GRAMD1B: variants seen among roughly 807,000 people sequenced by gnomAD.
GRAMD1B encodes protein Aster-B.
A neutral mutation model predicts 99.7 loss-of-function variants in GRAMD1B; 37 were observed. That is an observed-to-expected ratio of 0.37 (90% CI 0.29 to 0.49). The LOEUF (loss-of-function observed/expected upper bound fraction) is 0.49. Among genes scored for constraint, GRAMD1B ranks in the 20% least tolerant of loss-of-function variants. The pLI, the probability that GRAMD1B is intolerant of heterozygous loss-of-function variation, is 0.98. For synonymous variants in GRAMD1B, 427 were observed against 387.6 expected, an observed-to-expected ratio of 1.10 and a Z score of -1.19; for missense variants, 888 against 1,009.2, an observed-to-expected ratio of 0.88 and a Z score of 1.63.
intron 2 of GRAMD1B, among the ~76,000 whole-genome samples, chr11:123,514,608 G>A (rs1385437787): frequency 6.6e-6 from 1 of 152,212 alleles, no homozygotes; most frequent in East Asian, 1.9e-4. Flanking sequence ...CAGGACTGGT[G>A]CTTAGGATGC....
At chr11:123,573,205 G>C (rs1948353160) in intron 2 of GRAMD1B, among the ~76,000 whole-genome samples, 1 of 152,246 alleles carries the variant, frequency 6.6e-6, no homozygotes, top group Non-Finnish European at 1.5e-5. Flanking sequence ...AGGCAGAGGT[G>C]CACTGGAAAT....
intron 6 of GRAMD1B, among the ~76,000 whole-genome samples, chr11:123,595,255 A>G (rs757781619): frequency 1.3e-5 from 2 of 151,036 alleles, no homozygotes; most frequent in Admixed American, 6.6e-5. Context: ...CTCATCTCGT[A>G]TACTAAGGAA....
chr11:123,465,206 T>C (rs1048131282), intron 1 of GRAMD1B, among the ~76,000 whole-genome samples: 1 of 151,992 alleles, frequency 6.6e-6, no homozygotes, highest in Non-Finnish European at 1.5e-5. Context: ...TTTCAGAGGT[T>C]GGTAGGGGAA....
intron 2 of GRAMD1B, among the ~76,000 whole-genome samples, chr11:123,519,681 G>A (rs1313960597): frequency 6.6e-6 from 1 of 152,220 alleles, no homozygotes; most frequent in Non-Finnish European, 1.5e-5. Context: ...TGCTCCTGGA[G>A]CAAAGAGGGG....
chr11:123,507,800 C>T (rs886512089), intron 2 of GRAMD1B, among the ~76,000 whole-genome samples: 1 of 151,910 alleles, frequency 6.6e-6, no homozygotes, highest in Non-Finnish European at 1.5e-5. Flanking sequence ...GGGAAGTGTC[C>T]AATTGAGGTT....
chr11:123,458,210 G>A (rs138636202), intron 1 of GRAMD1B, among the ~76,000 whole-genome samples: 57 of 152,326 alleles, frequency 3.7e-4, no homozygotes, highest in East Asian at 5.8e-4. Context: ...TGCTGGTAGC[G>A]TGGCTCAGTC....
intron 2 of GRAMD1B, among the ~76,000 whole-genome samples, chr11:123,532,087 T>C (rs1314123833): frequency 6.6e-6 from 1 of 152,182 alleles, no homozygotes; most frequent in African/African-American, 2.4e-5. Flanking sequence ...CAGAAAGATG[T>C]TGAACTAAAC....
At chr11:123,473,834 T>G (rs1162823177) in intron 1 of GRAMD1B, among the ~76,000 whole-genome samples, 1 of 152,200 alleles carries the variant, frequency 6.6e-6, no homozygotes, top group African/African-American at 2.4e-5. Context: ...GTCACATTTG[T>G]TTACTTATTT....
At chr11:123,461,437 C>G (rs1950408037) in intron 1 of GRAMD1B, among the ~76,000 whole-genome samples, 2 of 152,206 alleles carry the variant, frequency 1.3e-5, no homozygotes, top group Non-Finnish European at 2.9e-5. Context: ...CCCAAAGACT[C>G]CCCCTTGGGC....
chr11:123,480,664 CTG>C (rs1181065863), intron 1 of GRAMD1B, 150 bp from the exon 2 acceptor site: 2 of 391,042 alleles, frequency 5.1e-6, no homozygotes, highest in African/African-American at 2.1e-5. Flanking sequence ...TATGGTCTAA[CTG>C]TGCATTCTCT....
At chr11:123,360,206 A>T (rs947316021) in intron 1 of GRAMD1B, among the ~76,000 whole-genome samples, 20 of 152,336 alleles carry the variant, frequency 1.3e-4, no homozygotes, top group African/African-American at 4.6e-4. Context: ...GAGGTTAGAT[A>T]GGAAAGTGTA....
In GRAMD1B at chr11:123,436,033, C is replaced by T. The variant is rs192467017; in HGVS notation, c.374+4867C>T. ...TCTCGGCTCACTGCAGCCTCTGCCT[C>T]CTGGGTTCAAGTGATTCTCCTGCCT... On this transcript the variant is annotated intron_variant, in intron 1 of 19. Transcript: ENST00000635736. Among the ~76,000 whole-genome samples, 1,132 of 150,442 alleles carry T rather than the reference C, an allele frequency of 7.5e-3. 5 individuals are homozygous for T. Among genetic ancestry groups the T allele is most frequent in the Non-Finnish European group, 0.011 (776 of 67,886 alleles).
At chr11:123,597,129 C>CTTTT (rs35382306) in intron 7 of GRAMD1B, among the ~76,000 whole-genome samples, 1 of 137,098 alleles carries the variant, frequency 7.3e-6, no homozygotes, top group Non-Finnish European at 1.6e-5. Context: ...AGTCCAACTC[C>CTTTT]TTTTTTTTTT....
At position 123,491,191 on chromosome 11, in the gene GRAMD1B, G is replaced by C. The variant is rs141728336; in HGVS notation, c.452+10298G>C. On this transcript the variant is annotated intron_variant, in intron 2 of 19. Transcript: ENST00000635736. The stretch of plus-strand genomic sequence containing the variant: ...CTACTAAAAATACAAAAATTAGCAG[G>C]TGTGGTGGTGCACGTCATGCTAGAG... Among the ~76,000 whole-genome samples the C allele has an allele frequency of 1.6e-3, 249 of 152,256 alleles. 1 individual carries two copies. The highest frequency in any genetic ancestry group is 5.7e-3 in the African/African-American group (238 of 41,526).
chr11:123,600,617 G>GA, intron 8 of GRAMD1B, 69 bp downstream of exon 8: 1 of 947,982 alleles, frequency 1.1e-6, no homozygotes, highest in South Asian at 1.4e-5. Flanking sequence ...TCTCCTCAGG[G>GA]TTCTGGGAAT....
intron 1 of GRAMD1B, among the ~76,000 whole-genome samples, chr11:123,370,023 A>T (rs1946468841): frequency 1.3e-5 from 2 of 151,932 alleles, no homozygotes; most frequent in South Asian, 4.2e-4. Flanking sequence ...ACTTCAAGAG[A>T]TAACTTCTTG....
chr11:123,425,594 G>T (rs1412796194), upstream of GRAMD1B, among the ~76,000 whole-genome samples: 1 of 152,192 alleles, frequency 6.6e-6, no homozygotes, highest in Non-Finnish European at 1.5e-5. Context: ...CCCTGTGAGG[G>T]CTGTTGGAAA....
chr11:123,599,567 G>T, intron 7 of GRAMD1B: 1 of 434,084 alleles, frequency 2.3e-6, no homozygotes, highest in Non-Finnish European at 4.4e-6. Context: ...CTGCCTTCTG[G>T]GTTCAGGTGA....
chr11:123,479,602 T>G, intron 1 of GRAMD1B, among the ~76,000 whole-genome samples: 1 of 152,152 alleles, frequency 6.6e-6, no homozygotes, highest in Admixed American at 6.5e-5. Flanking sequence ...AATAAGGATT[T>G]ATTATTAATA....
Sources: gnomAD v4.1 joint callset for allele counts (sites outside exome capture counted in the v4.1 genomes callset) on GRCh38, gnomAD v4.1.1 for gene constraint, MANE v1.5 for transcripts, NCBI Gene and HGNC (gene_info 2026-07-23, HGNC 2026-07-21) for gene names.